The following DENND11 variants were observed in gnomAD, a reference collection of about 807,000 sequenced individuals.
DENND11 encodes DENN domain containing 11, also known as DENN domain-containing protein 11.
DENND11 carries 34 observed loss-of-function variants against 49.2 expected under a neutral mutation model. That is an observed-to-expected ratio of 0.69 (90% CI 0.53 to 0.92). DENND11 has a LOEUF of 0.92. Among genes scored for constraint, DENND11 ranks in the 40% least tolerant of loss-of-function variants. The pLI, the probability that DENND11 is intolerant of heterozygous loss-of-function variation, is 0.00. For missense variants in DENND11, 475 were observed against 581.6 expected (o/e 0.82, Z 1.88); for synonymous variants, 238 against 230.3 (o/e 1.03, Z -0.30).
At chr7:141,692,360 G>A (rs917278596) in intron 1 of DENND11, among the ~76,000 whole-genome samples, 4 of 152,282 alleles carry the variant, frequency 2.6e-5, no homozygotes, top group Admixed American at 6.5e-5. Flanking sequence ...ATTGGAAGAC[G>A]AACAATGCAC....
chr7:141,692,749 G>A (rs1329935540), intron 1 of DENND11, among the ~76,000 whole-genome samples: 2 of 152,106 alleles, frequency 1.3e-5, no homozygotes, highest in African/African-American at 2.4e-5. Context: ...GGAGGCTGGG[G>A]TGGGAGGATC....
intron 1 of DENND11, among the ~76,000 whole-genome samples, chr7:141,697,282 T>C (rs898502191): frequency 2.6e-5 from 4 of 152,128 alleles, no homozygotes; most frequent in African/African-American, 9.7e-5. Context: ...ATTTTTATTT[T>C]CCCCTCCTCA....
At position 141,672,067 on chromosome 7, in the gene DENND11, T is replaced by C. The variant is rs141307591; in HGVS notation, c.681+2000A>G. 1.2e-3 allele frequency among the ~76,000 whole-genome samples: 184 copies of C among 152,354 alleles called. No individual in the cohort carries two copies. The East Asian group carries it at 0.013, about 11-fold the overall frequency. ...CTCCAGCCTCCAGCTTTCCTTAGCA[T>C]GCACAGCACACGTGGAGCCACACCT... On this transcript the variant is annotated intron_variant, in intron 4 of 8. Transcript: ENST00000536163.
intron 1 of DENND11, 172 bp downstream of exon 1, chr7:141,701,714 G>A: frequency 2.3e-6 from 1 of 436,152 alleles, no homozygotes; most frequent in Non-Finnish European, 3.4e-6. Context: ...GGAGAGAGCT[G>A]AGGACTGGCC....
intron 4 of DENND11, among the ~76,000 whole-genome samples, chr7:141,667,640 C>T (rs550618978): frequency 5.3e-5 from 8 of 152,274 alleles, no homozygotes; most frequent in African/African-American, 1.9e-4. Flanking sequence ...GGCAAGAGCA[C>T]TTCTGAGAGA....
intron 2 of DENND11, 149 bp from the exon 3 acceptor site, chr7:141,685,785 T>C (rs1798230585): frequency 3.7e-6 from 3 of 821,570 alleles, no homozygotes; most frequent in Non-Finnish European, 5.7e-6. Flanking sequence ...ATGACCTCAC[T>C]GATGAGCTTG....
rs371061706 is a variant in DENND11, at chr7:141,686,549, A to T, written c.368+10T>A. On this transcript the variant is annotated intron_variant, in intron 2 of 8. Coordinates refer to ENST00000536163, the MANE Select transcript of DENND11 (RefSeq NM_001080392.2). ...TGGTACGAAGATGACTCCAGTTCAG[A>T]AGTACTTACATGAAATCAGATTGGA... is the stretch of plus-strand genomic sequence containing the variant. 14 of 1,566,240 alleles carry T rather than the reference A, an allele frequency of 8.9e-6. No individual in the cohort carries two copies. In the African/African-American group the frequency reaches 1.9e-4, roughly 21 times the overall value.
At position 141,701,775 on chromosome 7, in the gene DENND11, G is replaced by T. The variant is rs1798523917; in HGVS notation, c.268+111C>A. 14 of 918,466 alleles carry T rather than the reference G, an allele frequency of 1.5e-5. No homozygotes were observed. In the South Asian group the frequency reaches 3.1e-4, roughly 20 times the overall value. 56.9% of individuals were successfully genotyped at this position (918,466 alleles called of 1,614,324 possible). A position where few individuals can be genotyped will look rare whatever the true frequency, so the allele number is the denominator to read the frequency against. On this transcript the variant is annotated intron_variant, in intron 1 of 8. Transcript: ENST00000536163. ...GAGCCCGGGGCCGGCCCTGGTGCGG[G>T]GTGCGGGGCCGGGAGGGCAGGTGCG...
chr7:141,684,878 A>C (rs1480565566), intron 3 of DENND11, among the ~76,000 whole-genome samples: 2 of 151,564 alleles, frequency 1.3e-5, no homozygotes, highest in Admixed American at 6.6e-5. Context: ...GCTTCTGTTA[A>C]AAATTCTCTT....
Position 141,662,422 on chromosome 7 carries a change from G to C in DENND11, c.*234C>G, listed in dbSNP as rs1187280984. ...AAGCCCAGAGGACCAGCAGCTCTGG[G>C]AGAAAGTGGCAGATTCCAATATCCT... On this transcript the variant is annotated 3_prime_UTR_variant, in exon 9 of 9. Coordinates refer to ENST00000536163, the MANE Select transcript of DENND11 (RefSeq NM_001080392.2). 1 of 418,304 alleles carries C rather than the reference G, an allele frequency of 2.4e-6. No homozygotes were observed. Among genetic ancestry groups the C allele is most frequent in the Non-Finnish European group, 4.2e-6 (1 of 238,748 alleles). The allele number at this position is 418,304 out of a possible 1,614,324, so 25.9% of individuals were successfully genotyped here.
At chr7:141,686,465 C>A (rs200568964) in intron 2 of DENND11, 94 bp downstream of exon 2, 1 of 281,370 alleles carries the variant, frequency 3.6e-6, no homozygotes, top group Non-Finnish European at 7.3e-6. Context: ...ACACACAGCA[C>A]ACGAAGACCT....
intron 3 of DENND11, among the ~76,000 whole-genome samples, chr7:141,679,704 C>T (rs1027386957): frequency 1.6e-5 from 2 of 123,438 alleles, no homozygotes; most frequent in African/African-American, 6.3e-5. Context: ...AAGAGCGAAA[C>T]TTTAAAAAAA....
intron 3 of DENND11, among the ~76,000 whole-genome samples, chr7:141,679,125 T>C (rs565682110): frequency 6.6e-6 from 1 of 152,358 alleles, no homozygotes; most frequent in African/African-American, 2.4e-5. Flanking sequence ...TGTATTCAAG[T>C]ATTATCCTAA....
At chr7:141,690,006 C>G (rs1402518034) in intron 1 of DENND11, among the ~76,000 whole-genome samples, 1 of 152,226 alleles carries the variant, frequency 6.6e-6, no homozygotes, top group African/African-American at 2.4e-5. Context: ...CGTAAAGTGG[C>G]ATTGTAATGC....
rs1262642602 is a variant in DENND11 at position 141,673,245 on chromosome 7, A to T, written c.681+822T>A. Among the ~76,000 whole-genome samples the T allele has an allele frequency of 4.0e-3, 601 of 149,894 alleles. 4 individuals carry two copies. Among genetic ancestry groups the T allele is most frequent in the African/African-American group, 0.014 (560 of 40,948 alleles). ...TGTTTTCGCTGGAAAACAAGGAATA[A>T]AAAAAAAAAAACAAAAAACATTTAC... On this transcript the variant is annotated intron_variant, in intron 4 of 8. Transcript: ENST00000536163.
At chr7:141,691,142 G>GTCA (rs1293604556) in intron 1 of DENND11, among the ~76,000 whole-genome samples, 2 of 152,240 alleles carry the variant, frequency 1.3e-5, no homozygotes, top group Non-Finnish European at 2.9e-5. Context: ...TCTGGTCAGT[G>GTCA]TCATGTGGAC....
chr7:141,664,272 C>T (rs1797851302), intron 7 of DENND11, 32 bp from the exon 8 acceptor site: 2 of 1,541,594 alleles, frequency 1.3e-6, no homozygotes, highest in African/African-American at 1.4e-5. Context: ...GACTCTGGTG[C>T]AGGTACCAGG....
chr7:141,690,889 AT>A (rs1245162897), intron 1 of DENND11, among the ~76,000 whole-genome samples: 3 of 152,338 alleles, frequency 2.0e-5, no homozygotes, highest in African/African-American at 4.8e-5. Context: ...ACAGTGCTTA[AT>A]GTTTCCCCAA....
chr7:141,673,680 C>G (rs1019012686), intron 4 of DENND11, among the ~76,000 whole-genome samples: 1 of 152,228 alleles, frequency 6.6e-6, no homozygotes, highest in Admixed American at 6.5e-5. Context: ...CAAAGTACTT[C>G]AGGAACAAAT....
Sources: allele counts gnomAD v4.1 joint callset (sites outside exome capture counted in the v4.1 genomes callset), GRCh38; gene constraint gnomAD v4.1.1; transcripts MANE v1.5; gene names NCBI Gene and HGNC (gene_info 2026-07-23, HGNC 2026-07-21).